POLD1: variants seen among roughly 807,000 people sequenced by gnomAD.
The protein encoded by POLD1 is DNA polymerase delta 1, catalytic subunit.
In POLD1, 79 loss-of-function variants were observed where a neutral mutation model predicts 129.7. The observed-to-expected ratio is 0.61, with a 90% CI of 0.51 to 0.73. The LOEUF (loss-of-function observed/expected upper bound fraction) is 0.73. Among genes scored for constraint, POLD1 ranks in the 30% least tolerant of loss-of-function variants. POLD1 has a pLI of 0.00. For synonymous variants in POLD1, 714 were observed against 683.3 expected, an observed-to-expected ratio of 1.04 and a Z score of -0.70; for missense variants, 1,338 against 1,595.8, an observed-to-expected ratio of 0.84 and a Z score of 2.75.
chr19:50,415,253 G>T (rs368083641), intron 20 of POLD1, among the ~76,000 whole-genome samples, 185 bp from the exon 21 acceptor site: 1 of 152,156 alleles, frequency 6.6e-6, no homozygotes, highest in Admixed American at 6.5e-5. Flanking sequence ...GGAAAGAGTC[G>T]GCTTGGGCAG....
intron 20 of POLD1, 23 bp from the exon 21 acceptor site, chr19:50,415,415 C>G: frequency 1.9e-6 from 3 of 1,600,274 alleles, no homozygotes; most frequent in Non-Finnish European, 2.6e-6. Context: ...TTTGGTGACG[C>G]TGTGCGGCCC....
At chr19:50,413,196 A>G (rs1002473763) in intron 17 of POLD1, among the ~76,000 whole-genome samples, 9 of 152,146 alleles carry the variant, frequency 5.9e-5, no homozygotes, top group African/African-American at 1.7e-4. Context: ...TTCCTTGTGC[A>G]TGTCCAGAAC....
chr19:50,410,158 C>G (rs563648205), intron 17 of POLD1, among the ~76,000 whole-genome samples: 2 of 152,318 alleles, frequency 1.3e-5, no homozygotes, highest in African/African-American at 4.8e-5. Context: ...TCTGCCTACC[C>G]ACGGCAGCTC....
intron 24 of POLD1, 94 bp downstream of exon 24, chr19:50,416,817 C>T: frequency 9.2e-7 from 1 of 1,088,612 alleles, no homozygotes; most frequent in South Asian, 1.5e-5. Flanking sequence ...CTGGCACTGC[C>T]ACCCAGTGGG....
chr19:50,409,421 A>G lies in POLD1; in HGVS notation c.2007-98A>G. On this transcript the variant is annotated intron_variant, in intron 16 of 26. Coordinates refer to ENST00000440232, the MANE Select transcript of POLD1 (RefSeq NM_002691.4). This position sits in a 1 kb window ranked among gnomAD's most constrained non-coding sequence, Gnocchi z 5.8. ...TTGGCCAGAAGCTTCTGTGCAGTGC[A>G]CAGTACGCCCAACCGTACATGGCAC... 1 of 1,522,294 alleles carries G rather than the reference A, an allele frequency of 6.6e-7. No individual in the cohort carries two copies. The highest frequency in any genetic ancestry group is 9.1e-7 in the Non-Finnish European group (1 of 1,103,896). The allele number at this position is 1,522,294 out of a possible 1,614,324, so 94.3% of individuals were successfully genotyped here.
At position 50,417,682 on chromosome 19, in the gene POLD1, A is replaced by G. The variant is rs796631038; in HGVS notation, c.3219-160A>G. Among the ~76,000 whole-genome samples, 706 of 77,440 alleles carry G rather than the reference A, an allele frequency of 9.1e-3. 25 individuals carry two copies. Among genetic ancestry groups the G allele is most frequent in the African/African-American group, 0.045 (676 of 14,930 alleles). 50.8% of individuals were successfully genotyped at this position (77,440 alleles called of 152,430 possible). Reference sequence around the variant, plus strand: ...CCGCTGTTATCGGCTCCCCCCCCCCACCCCCCCCGTGCCTGCTGAGCAAAC... The same window carrying G: ...CCGCTGTTATCGGCTCCCCCCCCCCGCCCCCCCCGTGCCTGCTGAGCAAAC... On this transcript the variant is annotated intron_variant, in intron 26 of 26. Coordinates refer to ENST00000440232, the MANE Select transcript of POLD1 (RefSeq NM_002691.4).
At chr19:50,414,762 G>T (rs1601240620) in intron 19 of POLD1, 53 bp from the exon 20 acceptor site, 1 of 1,400,246 alleles carries the variant, frequency 7.1e-7, no homozygotes, top group Non-Finnish European at 9.5e-7. Flanking sequence ...GGCGTCTCCA[G>T]ATTGGGGCTT....
At chr19:50,404,666 C>T (rs375766371) in intron 10 of POLD1, among the ~76,000 whole-genome samples, 1 of 150,520 alleles carries the variant, frequency 6.6e-6, no homozygotes, top group Non-Finnish European at 1.5e-5. Context: ...GCAACCTCCA[C>T]CTCCCAGGTT....
Position 50,416,500 on chromosome 19 carries a change from C to A in POLD1, c.2925C>A (p.Gly975=). The A allele has an allele frequency of 6.4e-7, 1 of 1,552,242 alleles. No homozygotes were observed. ...PLLRIFEPIL[G]EGRAEAVLLR... is the part of the protein sequence containing the mutation. ...TGCGCATCTTCGAGCCCATCCTGGG[C>A]GAGGGCCGTGCCGAGGCTGTGCTAC... The change falls in exon 23 of 27, where the codon GGC becomes GGA. Residue 975 remains glycine, a synonymous_variant. Coordinates refer to ENST00000440232, the MANE Select transcript of POLD1 (RefSeq NM_002691.4).
intron 3 of POLD1, among the ~76,000 whole-genome samples, chr19:50,400,466 C>T (rs1435016938): frequency 6.7e-6 from 1 of 150,232 alleles, no homozygotes; most frequent in African/African-American, 2.5e-5. Flanking sequence ...GGTGATCTGC[C>T]GACCTTGGCC....
At chr19:50,417,675 C>T (rs983740533) in intron 26 of POLD1, among the ~76,000 whole-genome samples, 167 bp from the exon 27 acceptor site, 6 of 109,692 alleles carry the variant, frequency 5.5e-5, no homozygotes, top group African/African-American at 2.2e-4. Context: ...ATCGGCTCCC[C>T]CCCCCCACCC....
In POLD1 at chr19:50,416,656, C is replaced by T. The variant is rs766451656; in HGVS notation, c.3000C>T (p.Gly1000=). ...RCKTVLTGKV[G]GLLAFAKRRN... ...AGACGGTGCTCACGGGCAAGGTGGG[C>T]GGCCTCCTGGCCTTCGCCAAACGCC... The change falls in exon 24 of 27, where the codon GGC becomes GGT. Residue 1000 remains glycine, a synonymous_variant. Coordinates refer to ENST00000440232, the MANE Select transcript of POLD1 (RefSeq NM_002691.4). 1.7e-5 allele frequency: 27 copies of T among 1,563,772 alleles called. No individual in the cohort carries two copies. Among genetic ancestry groups the T allele is most frequent in the African/African-American group, 6.8e-5 (5 of 73,680 alleles).
At chr19:50,398,466 G>T (rs2038450210) in intron 1 of POLD1, among the ~76,000 whole-genome samples, 1 of 151,528 alleles carries the variant, frequency 6.6e-6, no homozygotes, top group South Asian at 2.1e-4. Flanking sequence ...CAGCTACTCG[G>T]GAGGCTGAGG....
chr19:50,413,500 T>C lies in POLD1; in HGVS notation c.2229T>C (p.Asn743=), dbSNP rs2122439101. Residue 743 remains asparagine (N), a synonymous_variant, in exon 18 of 27, where the codon AAT becomes AAC. Transcript: ENST00000440232. The stretch of plus-strand genomic sequence containing the variant: ...TGGAGTCTAAGTACACAGTGGAGAA[T>C]GGCTACAGCACCAGTGCCAAGGTCG... The part of the protein sequence containing the change: ...QLVESKYTVE[N]GYSTSAKVVY... 1 of 1,611,226 alleles carries C rather than the reference T, an allele frequency of 6.2e-7. No individual in the cohort carries two copies. Among genetic ancestry groups the C allele is most frequent in the Non-Finnish European group, 8.5e-7 (1 of 1,178,602 alleles).
rs750322846 is a variant in POLD1, at chr19:50,403,533, T to C, written c.1178T>C (p.Ile393Thr). The change falls in exon 10 of 27, where the codon ATC becomes ACC. Residue 393 changes from isoleucine (I) to threonine (T), a missense_variant. Physicochemically the swap from Ile to Thr is moderately conservative, Grantham distance 89. Around this residue, in one of 3 missense-constraint regions of POLD1, gnomAD observed 720 missense variants for 1,002.6 expected, o/e 0.72. Transcript: ENST00000440232. ...TFIRIMDPDV[I>T]TGYNIQNFDL... ...ATCCGTATCATGGACCCCGACGTGATCACCGGTTACAACATCCAGAACTTC... is the reference window on the plus strand; with the variant it reads ...ATCCGTATCATGGACCCCGACGTGACCACCGGTTACAACATCCAGAACTTC... The C allele has an allele frequency of 4.1e-5, 66 of 1,613,990 alleles. No individual in the cohort carries two copies. The highest frequency in any genetic ancestry group is 5.5e-5 in the Non-Finnish European group (65 of 1,179,994).
chr19:50,386,993 C>T (rs909429054), intron 1 of POLD1, among the ~76,000 whole-genome samples: 4 of 150,430 alleles, frequency 2.7e-5, no homozygotes, highest in East Asian at 2.0e-4. Flanking sequence ...GAGACCAAGA[C>T]CATCCTGGCT....
intron 3 of POLD1, among the ~76,000 whole-genome samples, chr19:50,400,016 A>G (rs1458350693): frequency 6.6e-6 from 1 of 151,440 alleles, no homozygotes; most frequent in East Asian, 1.9e-4. Flanking sequence ...GCTTTTGCCA[A>G]GTTGGCTAGG....
In POLD1 at chr19:50,416,606, G is replaced by T. The variant is rs1221237760; in HGVS notation, c.2954-4G>T. The T allele has an allele frequency of 1.9e-6, 3 of 1,557,842 alleles. No individual in the cohort carries two copies. Among genetic ancestry groups the T allele is most frequent in the Non-Finnish European group, 2.6e-6 (3 of 1,155,074 alleles). On this transcript the variant is annotated splice_polypyrimidine_tract_variant and splice_region_variant and intron_variant, in intron 23 of 26. Coordinates refer to ENST00000440232, the MANE Select transcript of POLD1 (RefSeq NM_002691.4). Reference sequence around the variant, plus strand: ...CGGCCCACCACCTGCCTCCTCTCCTGCAGGGGGGGACCACACGCGCTGCAA... The same window carrying T: ...CGGCCCACCACCTGCCTCCTCTCCTTCAGGGGGGGACCACACGCGCTGCAA...
At chr19:50,387,616 AACTG>A (rs1189425728) in intron 1 of POLD1, 1 of 152,478 alleles carries the variant, frequency 6.6e-6, no homozygotes, top group Non-Finnish European at 1.5e-5. Context: ...AGCCACAGCC[AACTG>A]ACCAAGGGCA....
Sources: allele counts gnomAD v4.1 joint callset (sites outside exome capture counted in the v4.1 genomes callset), GRCh38; gene constraint gnomAD v4.1.1; regional missense constraint gnomAD v4.1.1; non-coding constraint Gnocchi (gnomAD v3.1); transcripts MANE v1.5; gene names NCBI Gene and HGNC (gene_info 2026-07-23, HGNC 2026-07-21).